SAE1: variants seen among roughly 807,000 people sequenced by gnomAD.
SAE1 encodes the protein SUMO1 activating enzyme subunit 1, also known as SUMO-activating enzyme subunit 1.
SAE1 carries 11 observed loss-of-function variants against 40.6 expected under a neutral mutation model. The ratio of observed to expected loss-of-function variants is 0.27; its 90% CI spans 0.17 to 0.45. The LOEUF (loss-of-function observed/expected upper bound fraction) is 0.45, where lower values mean the gene tolerates loss of function less well. Ranked by LOEUF, SAE1 falls within the 20% of genes least tolerant of loss-of-function variation. The pLI is 1.00. For synonymous variants in SAE1, 155 were observed against 154.3 expected (o/e 1.00, Z -0.03); for missense variants, 373 against 427.3 (o/e 0.87, Z 1.12).
chr19:47,186,085 C>T (rs2058542919), intron 6 of SAE1, among the ~76,000 whole-genome samples: 1 of 151,252 alleles, frequency 6.6e-6, no homozygotes, highest in Admixed American at 6.6e-5. Flanking sequence ...ACTAAAAATA[C>T]AAAAATTGAC....
chr19:47,190,376 G>T lies in SAE1; in HGVS notation c.734-6857G>T, dbSNP rs576632994. 1.4e-4 allele frequency among the ~76,000 whole-genome samples: 22 copies of T among 152,272 alleles called. No individual in the cohort carries two copies. The South Asian group carries it at 2.3e-3, about 16-fold the overall frequency. On this transcript the variant is annotated intron_variant, in intron 6 of 8. Transcript: ENST00000270225. ...GCGTGTTTGGCTCTTGGGGCGGGGC[G>T]GAAAGCAGAACAAAGGAGAATTTAA...
intron 5 of SAE1, among the ~76,000 whole-genome samples, chr19:47,160,457 C>T (rs1341647108): frequency 1.9e-4 from 27 of 140,278 alleles, no homozygotes; most frequent in Non-Finnish European, 3.0e-4. Context: ...TGCAGTGGTG[C>T]GATCTCAGCT....
At chr19:47,137,853 G>A (rs899266148) in intron 1 of SAE1, among the ~76,000 whole-genome samples, 2 of 149,980 alleles carry the variant, frequency 1.3e-5, no homozygotes, top group African/African-American at 4.9e-5. Flanking sequence ...CTTAGCCTCT[G>A]GAGTAGCTCG....
chr19:47,195,590 A>C (rs1788813916), intron 6 of SAE1, among the ~76,000 whole-genome samples: 1 of 152,090 alleles, frequency 6.6e-6, no homozygotes, highest in Non-Finnish European at 1.5e-5. Context: ...CTTCTGGCTA[A>C]AGCAGGCTTT....
Position 47,209,078 on chromosome 19 carries a change from T to A in SAE1, c.949-81T>A, listed in dbSNP as rs959455712. The stretch of plus-strand genomic sequence containing the variant: ...CGACCCCAGTTAAGAACCACTGCCC[T>A]AGACTGCTTTTAGAATTTTTTTTTC... On this transcript the variant is annotated intron_variant, in intron 8 of 8. Coordinates refer to ENST00000270225, the MANE Select transcript of SAE1 (RefSeq NM_005500.3). 3 of 1,441,948 alleles carry A rather than the reference T, an allele frequency of 2.1e-6. No homozygotes were observed. The Admixed American group carries it at 5.7e-5, about 28-fold the overall frequency. The allele number at this position is 1,441,948 out of a possible 1,614,324, so 89.3% of individuals were successfully genotyped here. A position where few individuals can be genotyped will look rare whatever the true frequency, so the allele number is the denominator to read the frequency against.
chr19:47,145,123 C>A (rs943330808), intron 2 of SAE1, among the ~76,000 whole-genome samples: 1 of 151,898 alleles, frequency 6.6e-6, no homozygotes, highest in Non-Finnish European at 1.5e-5. Context: ...CTGCCTCAAT[C>A]TCCCGAGTAG....
chr19:47,180,712 A>C (rs973826185), intron 6 of SAE1, among the ~76,000 whole-genome samples: 5 of 152,140 alleles, frequency 3.3e-5, no homozygotes, highest in Non-Finnish European at 5.9e-5. Context: ...AGTCCTAGCT[A>C]CTCAGGAGGA....
chr19:47,194,778 T>TA (rs1299186902), intron 6 of SAE1, among the ~76,000 whole-genome samples: 1 of 149,094 alleles, frequency 6.7e-6, no homozygotes, highest in Non-Finnish European at 1.5e-5. Flanking sequence ...GAGATGGAGT[T>TA]ACGCTCTATC....
chr19:47,197,398 CT>C, intron 7 of SAE1, 21 bp downstream of exon 7: 1 of 1,604,018 alleles, frequency 6.2e-7, no homozygotes, highest in East Asian at 2.2e-5. Context: ...GTATTTATCA[CT>C]GTTTAGTCTG....
At chr19:47,178,916 T>TGGCGCGGTG (rs2058486928) in intron 6 of SAE1, among the ~76,000 whole-genome samples, 1 of 152,044 alleles carries the variant, frequency 6.6e-6, no homozygotes, top group South Asian at 2.1e-4. Context: ...AAATCTCACC[T>TGGCGCGGTG]GGCGCGGTGG....
chr19:47,203,767 T>C (rs773644348), intron 8 of SAE1, 27 bp downstream of exon 8: 54 of 1,593,850 alleles, frequency 3.4e-5, no homozygotes, highest in South Asian at 2.2e-5. Flanking sequence ...GAGCAGAAAA[T>C]TGTTAACCAT....
chr19:47,188,349 C>CA lies in SAE1; in HGVS notation c.734-8872dup, dbSNP rs11366843. 1.7e-3 allele frequency among the ~76,000 whole-genome samples: 242 copies of CA among 140,602 alleles called. 1 individual carries two copies. The highest frequency in any genetic ancestry group is 2.7e-3 in the Non-Finnish European group (174 of 63,676). 92.2% of individuals were successfully genotyped at this position (140,602 alleles called of 152,430 possible). Reference sequence around the variant, plus strand: ...TGGGTGACAGACTGAGGCCATGTCTCAAAAAAAAAAAAGAAAAAAATAATC... The same window carrying CA: ...TGGGTGACAGACTGAGGCCATGTCTCAAAAAAAAAAAAAGAAAAAAATAATC... On this transcript the variant is annotated intron_variant, in intron 6 of 8. Transcript: ENST00000270225.
In SAE1 at chr19:47,209,621, T is replaced by G. The variant is rs1278013098; in HGVS notation, c.*370T>G. On this transcript the variant is annotated 3_prime_UTR_variant, in exon 9 of 9. Transcript: ENST00000270225. ...AGATGCCTGCCAGGAATGAGCAAGCTCTGTTGCTCGGGAGCCTCTTGTCAC... is the reference window on the plus strand; with the variant it reads ...AGATGCCTGCCAGGAATGAGCAAGCGCTGTTGCTCGGGAGCCTCTTGTCAC... 1 of 298,296 alleles carries G rather than the reference T, an allele frequency of 3.4e-6. No individual in the cohort carries two copies. Among genetic ancestry groups the G allele is most frequent in the Non-Finnish European group, 6.2e-6 (1 of 161,050 alleles). The allele number at this position is 298,296 out of a possible 1,614,324, so 18.5% of individuals were successfully genotyped here.
At chr19:47,193,974 G>A (rs1042766645) in intron 6 of SAE1, among the ~76,000 whole-genome samples, 4 of 151,912 alleles carry the variant, frequency 2.6e-5, no homozygotes, top group African/African-American at 4.8e-5. Flanking sequence ...GAAAAGCATA[G>A]CCCAGAAGCA....
At chr19:47,141,566 G>A (rs1331217681) in intron 1 of SAE1, among the ~76,000 whole-genome samples, 1 of 152,088 alleles carries the variant, frequency 6.6e-6, no homozygotes, top group Non-Finnish European at 1.5e-5. Flanking sequence ...TTCGGGGAGG[G>A]GGAGTGCTTG....
chr19:47,200,938 A>C (rs1296621400), intron 7 of SAE1, among the ~76,000 whole-genome samples: 2 of 151,654 alleles, frequency 1.3e-5, no homozygotes, highest in Non-Finnish European at 2.9e-5. Flanking sequence ...GCTCACTGCA[A>C]CCTCCACCTC....
chr19:47,197,216 C>G lies in SAE1; in HGVS notation c.734-17C>G, dbSNP rs746795886. 6.3e-7 allele frequency: 1 copy of G among 1,576,216 alleles called. No homozygotes were observed. The highest frequency in any genetic ancestry group is 8.6e-7 in the Non-Finnish European group (1 of 1,166,874). On this transcript the variant is annotated splice_polypyrimidine_tract_variant and intron_variant, in intron 6 of 8. Coordinates refer to ENST00000270225, the MANE Select transcript of SAE1 (RefSeq NM_005500.3). ...AAAAAGTGGCTTTATAACCTGCCTT[C>G]TTTTTCTTATTCCCAGTGCTCTTAA...
intron 7 of SAE1, among the ~76,000 whole-genome samples, chr19:47,199,985 C>T (rs1387760018): frequency 6.6e-6 from 1 of 151,220 alleles, no homozygotes; most frequent in African/African-American, 2.4e-5. Context: ...GGCTGGAGTG[C>T]GATGGCATGA....
chr19:47,203,370 C>A (rs1245460329), intron 7 of SAE1, among the ~76,000 whole-genome samples: 1 of 152,156 alleles, frequency 6.6e-6, no homozygotes, highest in Non-Finnish European at 1.5e-5. Flanking sequence ...CATCTGATAT[C>A]TCTAGGACAG....
Sources: gnomAD v4.1 joint callset for allele counts (sites outside exome capture counted in the v4.1 genomes callset) on GRCh38, gnomAD v4.1.1 for gene constraint, MANE v1.5 for transcripts, NCBI Gene and HGNC (gene_info 2026-07-23, HGNC 2026-07-21) for gene names.